Variants in NRG4 observed in about 807,000 individuals in gnomAD.
NRG4 encodes pro-neuregulin-4, membrane-bound isoform.
A neutral mutation model predicts 15.0 loss-of-function variants in NRG4; 10 were observed. The ratio of observed to expected loss-of-function variants is 0.67; its 90% CI spans 0.41 to 1.13. The LOEUF (loss-of-function observed/expected upper bound fraction) is 1.13. NRG4 is among the 50% of genes most tolerant of loss of function. NRG4 has a pLI of 0.00. For synonymous variants in NRG4, 41 were observed against 50.1 expected (o/e 0.82, Z 0.77); for missense variants, 139 against 140.2 (o/e 0.99, Z 0.04).
intron 3 of NRG4, among the ~76,000 whole-genome samples, chr15:75,978,242 T>C (rs570118287): frequency 6.6e-6 from 1 of 152,322 alleles, no homozygotes; most frequent in South Asian, 2.1e-4. Context: ...TATTCAACTC[T>C]CTACCTCCCT....
chr15:76,016,515 C>T (rs1183805345), upstream of NRG4, among the ~76,000 whole-genome samples: 2 of 152,072 alleles, frequency 1.3e-5, no homozygotes. Flanking sequence ...TAGCTGTGTC[C>T]CAGAGATTCT....
chr15:75,943,649 C>A lies in NRG4; in HGVS notation c.337G>T (p.Glu113Ter), dbSNP rs2031223233. Residue 113 changes from glutamate (E) to a stop codon, truncating the protein, a stop_gained, in exon 6 of 6, where the codon GAA (glutamate) becomes TAA (stop). Coordinates refer to ENST00000394907, the MANE Select transcript of NRG4 (RefSeq NM_138573.4). LOFTEE classifies it high-confidence loss of function. Reference protein sequence around the residue: ...TSSTSAHHSHEQH With the variant: ...TSSTSAHHSH ...ACTTTGACGTTTCTTCAGTGTTGTT[C>A]ATGACCTGTGAAAAATAAGTAAGAA... 6.3e-7 allele frequency: 1 copy of A among 1,575,308 alleles called. No homozygotes were observed. Among genetic ancestry groups the A allele is most frequent in the South Asian group, 1.1e-5 (1 of 89,414 alleles).
chr15:76,029,017 A>C (rs1374777614), intron 5 of NRG4, among the ~76,000 whole-genome samples: 1 of 152,158 alleles, frequency 6.6e-6, no homozygotes, highest in Non-Finnish European at 1.5e-5. Context: ...CTACAGGATA[A>C]ATCCTCCAAT....
At chr15:75,952,456 T>C (rs1243249624) in intron 5 of NRG4, among the ~76,000 whole-genome samples, 2 of 152,212 alleles carry the variant, frequency 1.3e-5, no homozygotes, top group Non-Finnish European at 2.9e-5. Context: ...AGTAGGAATA[T>C]AACACATTTT....
chr15:76,018,568 A>G (rs2035056932), intron 5 of NRG4, among the ~76,000 whole-genome samples: 1 of 152,108 alleles, frequency 6.6e-6, no homozygotes, highest in East Asian at 1.9e-4. Flanking sequence ...TTAATTTTCC[A>G]TCTAACAGTC....
intron 5 of NRG4, among the ~76,000 whole-genome samples, chr15:76,033,366 G>T (rs2035523107): frequency 6.6e-6 from 1 of 151,920 alleles, no homozygotes; most frequent in African/African-American, 2.4e-5. Context: ...GATCAGCCTG[G>T]GAAACATAAT....
intron 5 of NRG4, among the ~76,000 whole-genome samples, chr15:76,033,564 A>T (rs1312761392): frequency 1.3e-5 from 2 of 152,244 alleles, no homozygotes; most frequent in Non-Finnish European, 2.9e-5. Context: ...AGTTCACAGT[A>T]GCATAAACAA....
chr15:75,953,272 C>A (rs2032020852), intron 5 of NRG4, among the ~76,000 whole-genome samples: 1 of 152,076 alleles, frequency 6.6e-6, no homozygotes, highest in Non-Finnish European at 1.5e-5. Flanking sequence ...GTTGAAAAGA[C>A]TATTATTACC....
At chr15:76,034,362 G>C (rs1596047368) in intron 5 of NRG4, among the ~76,000 whole-genome samples, 1 of 152,152 alleles carries the variant, frequency 6.6e-6, no homozygotes, top group South Asian at 2.1e-4. Flanking sequence ...AGATTCCTTG[G>C]CAGGCAGTAA....
At chr15:76,008,141 T>C (rs373287268) in intron 3 of NRG4, among the ~76,000 whole-genome samples, 1 of 152,212 alleles carries the variant, frequency 6.6e-6, no homozygotes, top group South Asian at 2.1e-4. Flanking sequence ...ACATAAATTA[T>C]ATCTCAGTAA....
intron 3 of NRG4, among the ~76,000 whole-genome samples, chr15:76,006,080 G>A (rs1435873670): frequency 6.6e-6 from 1 of 152,166 alleles, no homozygotes; most frequent in African/African-American, 2.4e-5. Context: ...CGGGAAAATT[G>A]GTTAGGGACT....
At chr15:75,965,720 T>A (rs772745052) in intron 3 of NRG4, among the ~76,000 whole-genome samples, 31 of 152,244 alleles carry the variant, frequency 2.0e-4, no homozygotes, top group Admixed American at 4.6e-4. Flanking sequence ...ACTTCATTGA[T>A]GATACAATTA....
intron 3 of NRG4, among the ~76,000 whole-genome samples, chr15:76,008,205 T>A (rs2034678868): frequency 6.6e-6 from 1 of 152,206 alleles, no homozygotes; most frequent in Non-Finnish European, 1.5e-5. Context: ...TGTTAAGTAA[T>A]TGTTAATTTG....
intron 5 of NRG4, among the ~76,000 whole-genome samples, chr15:75,953,204 T>C (rs1355881616): frequency 6.6e-6 from 1 of 152,236 alleles, no homozygotes; most frequent in Non-Finnish European, 1.5e-5. Context: ...ATATATGGTA[T>C]GTAGGGGTTT....
At chr15:75,935,702 CAA>C, downstream of NRG4, 1 of 151,520 alleles carries the variant, frequency 6.6e-6, no homozygotes. Context: ...GGCCAGATAG[CAA>C]AAGACGTGCA....
intron 3 of NRG4, among the ~76,000 whole-genome samples, chr15:75,997,188 C>T (rs563407304): frequency 9.9e-5 from 15 of 151,864 alleles, no homozygotes; most frequent in African/African-American, 3.1e-4. Context: ...TAACTTTTTA[C>T]GAGATAATTC....
intron 4 of NRG4, among the ~76,000 whole-genome samples, chr15:76,044,852 A>T (rs2035833137): frequency 6.7e-6 from 1 of 150,066 alleles, no homozygotes; most frequent in Admixed American, 6.6e-5. Context: ...AAAAAAAAAA[A>T]AAAAAGATTT....
chr15:75,975,954 C>G (rs1344018684), intron 3 of NRG4, among the ~76,000 whole-genome samples: 1 of 152,194 alleles, frequency 6.6e-6, no homozygotes, highest in Non-Finnish European at 1.5e-5. Context: ...TGTTTTCCAA[C>G]TTGGTTCCAT....
chr15:75,995,295 G>T (rs184487961), intron 3 of NRG4, among the ~76,000 whole-genome samples: 1 of 152,178 alleles, frequency 6.6e-6, no homozygotes, highest in African/African-American at 2.4e-5. Context: ...TCTGCTTCTG[G>T]TGAGCACTCA....
Sources: allele counts gnomAD v4.1 joint callset (sites outside exome capture counted in the v4.1 genomes callset), GRCh38; gene constraint gnomAD v4.1.1; transcripts MANE v1.5; gene names NCBI Gene and HGNC (gene_info 2026-07-23, HGNC 2026-07-21).